TTC21B: variants seen among roughly 807,000 people sequenced by gnomAD.
TTC21B encodes tetratricopeptide repeat domain 21B, also known as tetratricopeptide repeat protein 21B.
A neutral mutation model predicts 175.1 loss-of-function variants in TTC21B; 127 were observed. The observed-to-expected ratio is 0.73, with a 90% CI of 0.63 to 0.84. The LOEUF is 0.84. Among genes scored for constraint, TTC21B ranks in the 40% least tolerant of loss-of-function variants. The pLI is 0.00. For missense variants in TTC21B, 1,561 were observed against 1,558.3 expected, an observed-to-expected ratio of 1.00 and a Z score of -0.03; for synonymous variants, 524 against 524.5, an observed-to-expected ratio of 1.00 and a Z score of 0.01.
chr2:165,904,528 A>C (rs1254236438), intron 19 of TTC21B, among the ~76,000 whole-genome samples: 2 of 152,242 alleles, frequency 1.3e-5, no homozygotes, highest in African/African-American at 2.4e-5. Flanking sequence ...TTAATTGCAG[A>C]ATGCAGAACT....
chr2:165,927,196 TTATA>T (rs1257378138), intron 11 of TTC21B, among the ~76,000 whole-genome samples: 1 of 54,046 alleles, frequency 1.9e-5, no homozygotes, highest in South Asian at 6.4e-4. Flanking sequence ...ATCCTAGTAG[TTATA>T]TATATATATA....
chr2:165,941,293 G>A (rs1687359043), intron 5 of TTC21B, 109 bp from the exon 6 acceptor site: 12 of 1,220,210 alleles, frequency 9.8e-6, no homozygotes, highest in Admixed American at 1.9e-5. Flanking sequence ...TTTCTGTGAG[G>A]AGCAGTTATC....
chr2:165,915,568 T>A (rs1014792838), intron 14 of TTC21B, 129 bp from the exon 15 acceptor site: 1 of 897,050 alleles, frequency 1.1e-6, no homozygotes, highest in Non-Finnish European at 1.7e-6. Flanking sequence ...AATAAATTGA[T>A]AGAATTTTCT....
chr2:165,919,484 G>A, intron 12 of TTC21B, 51 bp from the exon 13 acceptor site: 1 of 1,579,594 alleles, frequency 6.3e-7, no homozygotes, highest in Non-Finnish European at 8.7e-7. Flanking sequence ...AAGAAATGGA[G>A]ATCTGAGAGG....
intron 12 of TTC21B, among the ~76,000 whole-genome samples, chr2:165,922,313 T>C (rs1686441716): frequency 6.6e-6 from 1 of 151,706 alleles, no homozygotes; most frequent in Non-Finnish European, 1.5e-5. Flanking sequence ...ATCATCTAAA[T>C]TTTTTTTAAC....
chr2:165,880,517 A>G (rs1454253046), intron 27 of TTC21B, among the ~76,000 whole-genome samples, 162 bp downstream of exon 27: 1 of 152,234 alleles, frequency 6.6e-6, no homozygotes, highest in African/African-American at 2.4e-5. Flanking sequence ...AGTAGCTAAT[A>G]ATATATTATG....
rs781486283 is a variant in TTC21B at position 165,941,165 on chromosome 2, C to T, written c.572G>A (p.Arg191His). ...CTCCAGGGCACCTGAATAATTCTGG[C>T]GCATCTCAAGGCATTGTGCCTAATG... is the stretch of plus-strand genomic sequence containing the variant. ...LLGKAQCLEM[R>H]QNYSGALETV... The change falls in exon 6 of 29, where the codon CGC (arginine) becomes CAC (histidine). Residue 191 changes from arginine (R) to histidine (H), a missense_variant. By Grantham distance (29) the Arg-to-His change is conservative (BLOSUM62 0). Coordinates refer to ENST00000243344, the MANE Select transcript of TTC21B (RefSeq NM_024753.5). 30 of 1,613,698 alleles carry T rather than the reference C, an allele frequency of 1.9e-5. No homozygotes were observed. The highest frequency in any genetic ancestry group is 1.2e-4 in the Admixed American group (7 of 59,948).
At position 165,931,650 on chromosome 2, in the gene TTC21B, C is replaced by T. The variant is rs115224320; in HGVS notation, c.894+108G>A. On this transcript the variant is annotated intron_variant, in intron 8 of 28. Transcript: ENST00000243344. ...TAGGAGTATATCATATATTTAAATA[C>T]ATATTTGCACTCTAGGCCATATGCT... 3.7e-3 allele frequency: 3,341 copies of T among 895,818 alleles called. 95 individuals are homozygous for T. In the African/African-American group the frequency reaches 0.05, roughly 13 times the overall value. The allele number at this position is 895,818 out of a possible 1,614,324, so 55.5% of individuals were successfully genotyped here. A position where few individuals can be genotyped will look rare whatever the true frequency, so the allele number is the denominator to read the frequency against.
intron 3 of TTC21B, 104 bp downstream of exon 3, chr2:165,949,290 A>T: frequency 2.3e-6 from 2 of 861,152 alleles, no homozygotes; most frequent in Non-Finnish European, 3.9e-6. Context: ...CCTACAGAAA[A>T]TACATAATAT....
chr2:165,941,008 T>C lies in TTC21B; in HGVS notation c.710+19A>G, dbSNP rs779005204. On this transcript the variant is annotated intron_variant, in intron 6 of 28. Transcript: ENST00000243344. ...ATAACCAAATCCAAAGAGACTTGTGTCATCTTTTATTACTTAACCTTTGTG... is the reference window on the plus strand; with the variant it reads ...ATAACCAAATCCAAAGAGACTTGTGCCATCTTTTATTACTTAACCTTTGTG... The C allele has an allele frequency of 5.6e-6, 9 of 1,612,582 alleles. No individual in the cohort carries two copies. The African/African-American group carries it at 1.1e-4, about 19-fold the overall frequency.
rs748640857 is a variant in TTC21B, at chr2:165,899,866, C to T, written c.2772G>A (p.Leu924=). 4 of 1,611,202 alleles carry T rather than the reference C, an allele frequency of 2.5e-6. No homozygotes were observed. The African/African-American group carries it at 5.3e-5, about 22-fold the overall frequency. The change falls in exon 21 of 29, where the codon CTG becomes CTA. Residue 924 remains leucine (L), a synonymous_variant. Transcript: ENST00000243344. ...CATCTTGTGCCAGGTATAATCGTGC[C>T]AGTTCCAACATAATCTGTAGAGCAA... ...CETDNKIMLE[L]ARLYLAQDDP... is the part of the protein sequence containing the mutation.
At chr2:165,909,750 T>G (rs1685865854) in intron 18 of TTC21B, among the ~76,000 whole-genome samples, 1 of 152,140 alleles carries the variant, frequency 6.6e-6, no homozygotes, top group South Asian at 2.1e-4. Flanking sequence ...TTTCCCAAGC[T>G]AAATGTCTAT....
At chr2:165,938,513 T>C (rs891910795) in intron 6 of TTC21B, among the ~76,000 whole-genome samples, 3 of 151,514 alleles carry the variant, frequency 2.0e-5, no homozygotes, top group Non-Finnish European at 2.9e-5. Flanking sequence ...AACAACAAAA[T>C]TGAATGTGAA....
Position 165,949,662 on chromosome 2 carries a change from T to G in TTC21B, c.84A>C (p.Glu28Asp). The change falls in exon 2 of 29, where the codon GAA becomes GAC. Residue 28 changes from glutamate to aspartate, a missense_variant. Coordinates refer to ENST00000243344, the MANE Select transcript of TTC21B (RefSeq NM_024753.5). ...GATCACTTCCATACCTCTTAATTCC[T>G]TCACTGGCAACCAGTAATACATGAT... is the stretch of plus-strand genomic sequence containing the variant. Reference protein sequence around the residue: ...YFHHVLLVASEGIKRYGSDPV... With the variant: ...YFHHVLLVASDGIKRYGSDPV... 6.2e-7 allele frequency: 1 copy of G among 1,613,298 alleles called. No individual in the cohort carries two copies. The highest frequency in any genetic ancestry group is 8.5e-7 in the Non-Finnish European group (1 of 1,179,648).
intron 11 of TTC21B, 152 bp downstream of exon 11, chr2:165,928,981 AAC>A: frequency 1.4e-6 from 1 of 695,210 alleles, no homozygotes; most frequent in Non-Finnish European, 2.6e-6. Flanking sequence ...CATTACTAAA[AAC>A]AGTCTGATTA....
At chr2:165,886,855 C>A (rs1316752428) in intron 25 of TTC21B, among the ~76,000 whole-genome samples, 1 of 152,166 alleles carries the variant, frequency 6.6e-6, no homozygotes, top group Non-Finnish European at 1.5e-5. Context: ...CCTAGAGATT[C>A]TCTTAGATGT....
At chr2:165,929,572 A>G (rs1424753754) in intron 10 of TTC21B, 78 bp downstream of exon 10, 3 of 1,125,728 alleles carry the variant, frequency 2.7e-6, no homozygotes, top group Non-Finnish European at 4.0e-6. Flanking sequence ...CAGCCATTAC[A>G]AAACAATAAG....
At chr2:165,942,737 C>T (rs906857790) in intron 5 of TTC21B, among the ~76,000 whole-genome samples, 9 of 152,296 alleles carry the variant, frequency 5.9e-5, no homozygotes, top group South Asian at 2.1e-4. Context: ...TCACTTTCTC[C>T]GACCACTTCA....
intron 6 of TTC21B, among the ~76,000 whole-genome samples, chr2:165,936,860 A>G (rs1687170116): frequency 6.6e-6 from 1 of 152,090 alleles, no homozygotes. Context: ...GGAACATAAC[A>G]TGGTATAACA....
Sources: allele counts gnomAD v4.1 joint callset (sites outside exome capture counted in the v4.1 genomes callset), GRCh38; gene constraint gnomAD v4.1.1; transcripts MANE v1.5; gene names NCBI Gene and HGNC (gene_info 2026-07-23, HGNC 2026-07-21).